Variants in CC2D2A observed in about 807,000 individuals in gnomAD.
CC2D2A encodes coiled-coil and C2 domain containing 2A.
CC2D2A carries 155 observed loss-of-function variants against 212.9 expected under a neutral mutation model. The observed-to-expected ratio is 0.73, with a 90% confidence interval of 0.64 to 0.83. CC2D2A has a LOEUF of 0.83. Among genes scored for constraint, CC2D2A ranks in the 40% least tolerant of loss-of-function variants. CC2D2A has a pLI of 0.00. For synonymous variants in CC2D2A, 667 were observed against 686.5 expected (o/e 0.97, Z 0.44); for missense variants, 1,856 against 1,956.2 (o/e 0.95, Z 0.97).
chr4:15,513,507 C>T (rs1017157798), intron 8 of CC2D2A, among the ~76,000 whole-genome samples: 16 of 152,368 alleles, frequency 1.1e-4, no homozygotes, highest in Admixed American at 1.0e-3. Context: ...CCCAGAAGCT[C>T]TGTTCCTAAA....
chr4:15,566,679 G>A (rs1719894553), intron 24 of CC2D2A, among the ~76,000 whole-genome samples: 1 of 152,072 alleles, frequency 6.6e-6, no homozygotes, highest in East Asian at 1.9e-4. Context: ...TTGGAAAAAA[G>A]CATCTTCTCA....
chr4:15,502,335 T>G (rs1715998709), intron 4 of CC2D2A, 94 bp from the exon 5 acceptor site: 2 of 976,730 alleles, frequency 2.0e-6, no homozygotes, highest in South Asian at 3.4e-5. Flanking sequence ...TAACCTTCCC[T>G]TTTGGGGGGA....
At chr4:15,552,577 T>A in intron 18 of CC2D2A, among the ~76,000 whole-genome samples, 1 of 152,310 alleles carries the variant, frequency 6.6e-6, no homozygotes, top group South Asian at 2.1e-4. Context: ...ACTAACATAC[T>A]TACATACAGT....
chr4:15,541,072 G>A (rs1363687350), intron 17 of CC2D2A, 58 bp downstream of exon 17: 8 of 1,396,076 alleles, frequency 5.7e-6, no homozygotes, highest in Non-Finnish European at 7.6e-6. Flanking sequence ...TGTACTTTGG[G>A]AGGCCAAGGT....
intron 1 of CC2D2A, among the ~76,000 whole-genome samples, chr4:15,472,543 A>T (rs190050844): frequency 6.6e-6 from 1 of 152,354 alleles, no homozygotes. Flanking sequence ...AGGAAAAAAG[A>T]AAATCCCATT....
chr4:15,480,642 A>G, intron 3 of CC2D2A, 62 bp from the exon 4 acceptor site: 1 of 1,545,618 alleles, frequency 6.5e-7, no homozygotes, highest in Non-Finnish European at 8.7e-7. Context: ...CATCTTCCCA[A>G]GAGAGGAACA....
chr4:15,550,757 T>C, intron 17 of CC2D2A, 67 bp from the exon 18 acceptor site: 1 of 1,187,088 alleles, frequency 8.4e-7, no homozygotes, highest in Non-Finnish European at 1.2e-6. Flanking sequence ...CAACATGGAC[T>C]GATTATCTGA....
chr4:15,510,136 T>C lies in CC2D2A; in HGVS notation c.439-3T>C, dbSNP rs1217191023. On this transcript the variant is annotated splice_polypyrimidine_tract_variant and splice_region_variant and intron_variant, in intron 6 of 36. Transcript: ENST00000424120. ...TATCTATCATTTTTTTCCACTCATA[T>C]AGCCAGGGAAAGAGGTAGAAAGGAC... The C allele has an allele frequency of 1.2e-6, 2 of 1,608,670 alleles. No individual in the cohort carries two copies. The highest frequency in any genetic ancestry group is 1.3e-5 in the African/African-American group (1 of 74,792).
At chr4:15,522,115 C>T (rs1324778204) in intron 11 of CC2D2A, among the ~76,000 whole-genome samples, 1 of 152,176 alleles carries the variant, frequency 6.6e-6, no homozygotes, top group Non-Finnish European at 1.5e-5. Flanking sequence ...GCAGGAGGAT[C>T]ACTTGAGCCC....
chr4:15,560,488 G>A, intron 22 of CC2D2A, 43 bp from the exon 23 acceptor site: 1 of 1,058,418 alleles, frequency 9.4e-7, no homozygotes, highest in South Asian at 1.5e-5. Context: ...GAACTACGAA[G>A]TTTAAATAAT....
intron 17 of CC2D2A, 141 bp downstream of exon 17, chr4:15,541,155 T>G: frequency 1.8e-6 from 1 of 560,040 alleles, no homozygotes; most frequent in Non-Finnish European, 2.9e-6. Context: ...CTACTGTAAA[T>G]ACAAAAAAAA....
intron 11 of CC2D2A, chr4:15,519,676 A>C: frequency 2.3e-6 from 1 of 432,834 alleles, no homozygotes; most frequent in Non-Finnish European, 4.6e-6. Context: ...AGCAAGTCAC[A>C]TCTAACATGG....
intron 9 of CC2D2A, 131 bp downstream of exon 9, chr4:15,515,000 T>G: frequency 1.3e-6 from 1 of 780,258 alleles, no homozygotes; most frequent in Non-Finnish European, 2.0e-6. Context: ...TCAAGAAATA[T>G]CTTCAAACAA....
At chr4:15,491,278 T>C (rs1715291685) in intron 4 of CC2D2A, among the ~76,000 whole-genome samples, 1 of 152,228 alleles carries the variant, frequency 6.6e-6, no homozygotes, top group Non-Finnish European at 1.5e-5. Context: ...TCTTTAATTA[T>C]ACCCTTTACA....
At chr4:15,533,399 G>A in intron 14 of CC2D2A, 66 bp downstream of exon 14, 1 of 1,184,652 alleles carries the variant, frequency 8.4e-7, no homozygotes, top group Non-Finnish European at 1.2e-6. Flanking sequence ...TATAAAACAT[G>A]GATACAGTTT....
chr4:15,485,123 A>G (rs184845442), intron 4 of CC2D2A, among the ~76,000 whole-genome samples: 21 of 152,356 alleles, frequency 1.4e-4, no homozygotes, highest in Admixed American at 3.3e-4. Context: ...CATGGGCATA[A>G]CAACAAATGC....
chr4:15,555,211 G>A lies in CC2D2A; in HGVS notation c.2625+1G>A, dbSNP rs1577372471. ...TGCCCCTTTGATGCAGCTTATCTCG[G>A]TATGTAGCAGGAGGCACACATGCCA... is the stretch of plus-strand genomic sequence containing the variant. On this transcript the variant is annotated splice_donor_variant, in intron 20 of 36. Transcript: ENST00000424120. LOFTEE classifies it high-confidence loss of function. 1 of 1,612,150 alleles carries A rather than the reference G, an allele frequency of 6.2e-7. No homozygotes were observed. Among genetic ancestry groups the A allele is most frequent in the Non-Finnish European group, 8.5e-7 (1 of 1,178,960 alleles).
intron 17 of CC2D2A, among the ~76,000 whole-genome samples, chr4:15,545,058 T>G (rs1220990705): frequency 6.6e-6 from 1 of 152,204 alleles, no homozygotes; most frequent in Non-Finnish European, 1.5e-5. Context: ...ATGGCATAGT[T>G]TTTTAAGACT....
intron 4 of CC2D2A, among the ~76,000 whole-genome samples, chr4:15,502,060 C>T (rs1715983710): frequency 6.6e-6 from 1 of 152,192 alleles, no homozygotes; most frequent in South Asian, 2.1e-4. Context: ...TTTCTCAAAT[C>T]AACAAACTTG....
Sources: allele counts gnomAD v4.1 joint callset (sites outside exome capture counted in the v4.1 genomes callset), GRCh38; gene constraint gnomAD v4.1.1; transcripts MANE v1.5; gene names NCBI Gene and HGNC (gene_info 2026-07-23, HGNC 2026-07-21).